The following CHRNA7 variants were observed in gnomAD, a reference collection of about 807,000 sequenced individuals.
CHRNA7 encodes the protein cholinergic receptor nicotinic alpha 7 subunit, also known as neuronal acetylcholine receptor subunit alpha-7.
CHRNA7 carries 17 observed loss-of-function variants against 48.0 expected under a neutral mutation model. That is an observed-to-expected ratio of 0.35 (90% CI 0.24 to 0.53). CHRNA7 has a LOEUF of 0.53. CHRNA7 is among the 20% of genes least tolerant of loss of function. The pLI is 0.92. For synonymous variants in CHRNA7, 75 were observed against 242.3 expected (o/e 0.31, Z 6.41); for missense variants, 155 against 577.7 (o/e 0.27, Z 7.50).
chr15:32,030,515 G>T lies in CHRNA7; in HGVS notation c.-80G>T, dbSNP rs535530714. 8.5e-5 allele frequency: 111 copies of T among 1,312,524 alleles called. No homozygotes were observed. The highest frequency in any genetic ancestry group is 3.7e-4 in the African/African-American group (24 of 64,546). The allele number at this position is 1,312,524 out of a possible 1,614,324, so 81.3% of individuals were successfully genotyped here. ...AGGCGCGCGAGCCGAGCGGCGAGGT[G>T]CCTCTGTGGCCGCAGGCGCAGGCCC... On this transcript the variant is annotated 5_prime_UTR_variant, in exon 1 of 10. Transcript: ENST00000306901.
chr15:32,040,598 A>C (rs11854317), intron 2 of CHRNA7, among the ~76,000 whole-genome samples: 1 of 92,106 alleles, frequency 1.1e-5, no homozygotes, highest in Non-Finnish European at 3.2e-5. Flanking sequence ...GTGTGTGTAT[A>C]TGTGTGTATG....
chr15:32,166,313 A>G (rs2052139006), intron 9 of CHRNA7: 2 of 152,286 alleles, frequency 1.3e-5, no homozygotes, highest in Non-Finnish European at 2.9e-5. Context: ...CAACTCACCC[A>G]AGGTTTCACC....
chr15:32,042,392 A>T (rs2049465165), intron 2 of CHRNA7, among the ~76,000 whole-genome samples: 1 of 152,172 alleles, frequency 6.6e-6, no homozygotes. Context: ...CCTTATTAAA[A>T]ACAACAGAAA....
At chr15:32,087,749 C>CA (rs2050321246) in intron 2 of CHRNA7, among the ~76,000 whole-genome samples, 1 of 152,156 alleles carries the variant, frequency 6.6e-6, no homozygotes, top group South Asian at 2.1e-4. Context: ...TGGTAACTTA[C>CA]AACTCTGTGA....
rs568280544 is a variant in CHRNA7 at position 32,049,561 on chromosome 15, C to G, written c.195+18524C>G. Reference sequence around the variant, plus strand: ...GTGTCTCTGCACGTGAGATGGGTTTCCTGAATACAGCACACTGATGGGTCT... The same window carrying G: ...GTGTCTCTGCACGTGAGATGGGTTTGCTGAATACAGCACACTGATGGGTCT... On this transcript the variant is annotated intron_variant, in intron 2 of 9. Coordinates refer to ENST00000306901, the MANE Select transcript of CHRNA7 (RefSeq NM_000746.6). Among the ~76,000 whole-genome samples the G allele has an allele frequency of 1.7e-4, 26 of 152,222 alleles. No individual in the cohort carries two copies. The South Asian group carries it at 2.7e-3, about 16-fold the overall frequency.
At position 32,030,621 on chromosome 15, in the gene CHRNA7, G is replaced by A; in HGVS notation, c.27G>A (p.Trp9Ter). The change falls in exon 1 of 10, where the codon TGG (tryptophan) becomes TGA (stop). Residue 9 changes from tryptophan to a stop codon, truncating the protein, a stop_gained. Transcript: ENST00000306901. LOFTEE classifies it high-confidence loss of function. ...TGCGCTGCTCGCCGGGAGGCGTCTG[G>A]CTGGCGCTGGCCGCGTCGCTCCTGC... Reference protein sequence around the residue: MRCSPGGVWLALAASLLHV... With the variant: MRCSPGGV The A allele has an allele frequency of 6.4e-7, 1 of 1,567,684 alleles. No individual in the cohort carries two copies. Among genetic ancestry groups the A allele is most frequent in the South Asian group, 1.2e-5 (1 of 85,756 alleles).
intron 2 of CHRNA7, among the ~76,000 whole-genome samples, chr15:32,040,583 T>C (rs551988847): frequency 1.8e-5 from 2 of 113,180 alleles, no homozygotes; most frequent in South Asian, 3.5e-4. Flanking sequence ...ATAAGGTGCG[T>C]GTGTGTGTGT....
At chr15:32,062,304 T>C (rs1374821698) in intron 2 of CHRNA7, among the ~76,000 whole-genome samples, 1 of 152,248 alleles carries the variant, frequency 6.6e-6, no homozygotes, top group East Asian at 1.9e-4. Context: ...TGAAATTACA[T>C]AATCATTTTT....
chr15:32,150,994 C>T (rs963436344), intron 4 of CHRNA7, among the ~76,000 whole-genome samples: 1 of 151,996 alleles, frequency 6.6e-6, no homozygotes, highest in Admixed American at 6.6e-5. Flanking sequence ...CGCCTTCTCT[C>T]CCTCTCTCCT....
intron 2 of CHRNA7, among the ~76,000 whole-genome samples, chr15:32,038,299 G>C (rs1241108568): frequency 6.6e-6 from 1 of 151,378 alleles, no homozygotes; most frequent in African/African-American, 2.4e-5. Flanking sequence ...TATTTATCAA[G>C]TTGAGGAAGT....
At position 32,045,629 on chromosome 15, in the gene CHRNA7, C is replaced by T. The variant is rs141778804; in HGVS notation, c.195+14592C>T. ...TCGGCTCACTGCAACCTCTCTCTCC[C>T]GGGTTCCAGTGATTCTCCTGCTTCA... On this transcript the variant is annotated intron_variant, in intron 2 of 9. Coordinates refer to ENST00000306901, the MANE Select transcript of CHRNA7 (RefSeq NM_000746.6). Among the ~76,000 whole-genome samples, 334 of 151,898 alleles carry T rather than the reference C, an allele frequency of 2.2e-3. 3 individuals carry two copies. Among genetic ancestry groups the T allele is most frequent in the African/African-American group, 7.7e-3 (320 of 41,444 alleles).
intron 4 of CHRNA7, among the ~76,000 whole-genome samples, chr15:32,147,245 T>C (rs2141349947): frequency 6.6e-6 from 1 of 152,250 alleles, no homozygotes; most frequent in South Asian, 2.1e-4. Context: ...TGGAGACTAC[T>C]GTAGGGGGAA....
chr15:32,038,952 G>T (rs967304818), intron 2 of CHRNA7, among the ~76,000 whole-genome samples: 2 of 152,118 alleles, frequency 1.3e-5, no homozygotes, highest in African/African-American at 2.4e-5. Flanking sequence ...ATAGATATAG[G>T]CCCATTCAAA....
Position 32,067,084 on chromosome 15 carries a change from A to G in CHRNA7, c.196-34219A>G, listed in dbSNP as rs79621640. 3.7e-3 allele frequency among the ~76,000 whole-genome samples: 557 copies of G among 152,330 alleles called. 8 individuals are homozygous for G. The highest frequency in any genetic ancestry group is 0.013 in the African/African-American group (530 of 41,574). On this transcript the variant is annotated intron_variant, in intron 2 of 9. Coordinates refer to ENST00000306901, the MANE Select transcript of CHRNA7 (RefSeq NM_000746.6). ...CGCAAAAGAGTTATCCTAGAAGGAA[A>G]GAGGAAAGAAAGGGGCAGAAAGAAT... is the stretch of plus-strand genomic sequence containing the variant.
chr15:32,152,212 G>C (rs1467352365), intron 4 of CHRNA7, among the ~76,000 whole-genome samples: 1 of 133,424 alleles, frequency 7.5e-6, no homozygotes, highest in African/African-American at 2.7e-5. Flanking sequence ...GAGAGGCTAA[G>C]TGGGGGTGGA....
intron 2 of CHRNA7, among the ~76,000 whole-genome samples, chr15:32,036,471 A>G (rs59054835): frequency 6.6e-6 from 1 of 152,280 alleles, no homozygotes; most frequent in East Asian, 1.9e-4. Context: ...GCTGGTTCGT[A>G]TGCTAAGAGT....
At chr15:32,087,036 A>G (rs2050309249) in intron 2 of CHRNA7, among the ~76,000 whole-genome samples, 1 of 152,270 alleles carries the variant, frequency 6.6e-6, no homozygotes, top group South Asian at 2.1e-4. Context: ...GGAAGTCACT[A>G]TGCACAGCCC....
At chr15:32,101,494 C>T (rs1350173608) in intron 3 of CHRNA7, 147 bp downstream of exon 3, 3 of 764,244 alleles carry the variant, frequency 3.9e-6, no homozygotes, top group Non-Finnish European at 6.5e-6. Context: ...GTCACACCAA[C>T]TCCACACCTG....
intron 2 of CHRNA7, among the ~76,000 whole-genome samples, chr15:32,062,281 C>T (rs964338280): frequency 2.6e-5 from 4 of 152,174 alleles, no homozygotes; most frequent in Non-Finnish European, 5.9e-5. Flanking sequence ...CTTCATTTAT[C>T]ACATTTACCT....
Sources: gnomAD v4.1 joint callset for allele counts (sites outside exome capture counted in the v4.1 genomes callset) on GRCh38, gnomAD v4.1.1 for gene constraint, MANE v1.5 for transcripts, NCBI Gene and HGNC (gene_info 2026-07-23, HGNC 2026-07-21) for gene names.